CA10: variants seen among roughly 807,000 people sequenced by gnomAD.
CA10 encodes carbonic anhydrase 10 (inactive), also known as carbonic anhydrase-related protein 10.
CA10 carries 14 observed loss-of-function variants against 44.2 expected under a neutral mutation model. The ratio of observed to expected loss-of-function variants is 0.32; its 90% CI spans 0.21 to 0.50. CA10 has a LOEUF of 0.50. Among genes scored for constraint, CA10 ranks in the 20% least tolerant of loss-of-function variants. The pLI, the probability that CA10 is intolerant of heterozygous loss-of-function variation, is 0.99. For synonymous variants in CA10, 159 were observed against 141.6 expected (o/e 1.12, Z -0.87); for missense variants, 350 against 409.7 (o/e 0.85, Z 1.26).
At chr17:52,023,236 A>C (rs1986197028) in intron 2 of CA10, among the ~76,000 whole-genome samples, 1 of 152,106 alleles carries the variant, frequency 6.6e-6, no homozygotes, top group Non-Finnish European at 1.5e-5. Flanking sequence ...CCAAAACAGC[A>C]ATGGTACCAG....
chr17:51,864,131 GC>G (rs1437122736), intron 3 of CA10, among the ~76,000 whole-genome samples: 1 of 152,140 alleles, frequency 6.6e-6, no homozygotes, highest in Admixed American at 6.5e-5. Flanking sequence ...CACCTCATTA[GC>G]AAAAACTATC....
intron 3 of CA10, among the ~76,000 whole-genome samples, chr17:51,874,558 A>G (rs963345757): frequency 6.6e-6 from 1 of 152,152 alleles, no homozygotes; most frequent in African/African-American, 2.4e-5. Context: ...TGCACCAGGA[A>G]AGGCATATGA....
chr17:52,013,959 T>G (rs186157472), intron 2 of CA10, among the ~76,000 whole-genome samples: 96 of 151,980 alleles, frequency 6.3e-4, no homozygotes, highest in Non-Finnish European at 1.1e-3. Flanking sequence ...TAACTATTTA[T>G]TAAGTGAATA....
chr17:51,734,413 C>T (rs983875913), intron 4 of CA10, among the ~76,000 whole-genome samples: 2 of 152,078 alleles, frequency 1.3e-5, no homozygotes, highest in Non-Finnish European at 2.9e-5. Context: ...GTCACCTAGT[C>T]GTAGGGTGAG....
rs199901307 is a variant in CA10 at position 51,686,087 on chromosome 17, G to GGC, written c.466-32352_466-32351insGC. 1.5e-3 allele frequency among the ~76,000 whole-genome samples: 222 copies of GGC among 152,014 alleles called. 1 individual carries two copies. The highest frequency in any genetic ancestry group is 5.0e-3 in the African/African-American group (207 of 41,440). On this transcript the variant is annotated intron_variant, in intron 4 of 8. Transcript: ENST00000451037. ...GTGGAGATAATTGAATCATGGGTCG[G>GGC]GGGGGGCGTCTGTTTCCCCCATACT...
At chr17:52,092,454 G>A (rs1048606158) in intron 1 of CA10, among the ~76,000 whole-genome samples, 5 of 152,152 alleles carry the variant, frequency 3.3e-5, no homozygotes, top group African/African-American at 1.2e-4. Context: ...ATGGCTGTTC[G>A]GTAATGAGTC....
intron 4 of CA10, among the ~76,000 whole-genome samples, chr17:51,699,936 A>T (rs1177671144): frequency 6.6e-6 from 1 of 152,224 alleles, no homozygotes; most frequent in Middle Eastern, 3.2e-3. Context: ...TTTTTCAAAA[A>T]TGTTTCCACA....
chr17:51,840,115 C>T (rs181139561), intron 3 of CA10, among the ~76,000 whole-genome samples: 6 of 152,274 alleles, frequency 3.9e-5, no homozygotes, highest in African/African-American at 1.2e-4. Context: ...TTGAACTAAT[C>T]ATGTTACGCC....
intron 2 of CA10, among the ~76,000 whole-genome samples, chr17:52,010,551 C>G (rs990396604): frequency 1.3e-5 from 2 of 151,858 alleles, no homozygotes; most frequent in Admixed American, 6.6e-5. Flanking sequence ...TATGTTCTCA[C>G]TCATTTGTGA....
At chr17:51,844,479 C>T (rs1288235892) in intron 3 of CA10, among the ~76,000 whole-genome samples, 2 of 151,980 alleles carry the variant, frequency 1.3e-5, no homozygotes, top group African/African-American at 4.8e-5. Flanking sequence ...AATGTAAAAT[C>T]CAAGTCAAAA....
chr17:52,092,447 G>A (rs1162582060), intron 1 of CA10, among the ~76,000 whole-genome samples: 1 of 152,122 alleles, frequency 6.6e-6, no homozygotes, highest in Admixed American at 6.5e-5. Flanking sequence ...ATGGAAGATG[G>A]CTGTTCGGTA....
intron 1 of CA10, among the ~76,000 whole-genome samples, chr17:52,151,273 A>G (rs990030398): frequency 6.6e-6 from 1 of 152,110 alleles, no homozygotes; most frequent in African/African-American, 2.4e-5. Context: ...TCCACTCCAT[A>G]TGCCCAATCC....
At chr17:51,848,267 G>A (rs1978588594) in intron 3 of CA10, among the ~76,000 whole-genome samples, 1 of 152,148 alleles carries the variant, frequency 6.6e-6, no homozygotes, top group African/African-American at 2.4e-5. Context: ...TTCAAATATT[G>A]CATTAAAATG....
intron 3 of CA10, among the ~76,000 whole-genome samples, chr17:51,774,274 T>C (rs893389036): frequency 5.9e-5 from 9 of 152,320 alleles, no homozygotes; most frequent in Non-Finnish European, 1.2e-4. Flanking sequence ...ACTAGAACCT[T>C]AGCACTTACT....
At chr17:52,138,422 C>A (rs1989405947) in intron 1 of CA10, among the ~76,000 whole-genome samples, 1 of 152,146 alleles carries the variant, frequency 6.6e-6, no homozygotes. Flanking sequence ...ACACAAACAT[C>A]TTTGGGAGGC....
At chr17:51,941,697 G>A (rs1321456669) in intron 2 of CA10, among the ~76,000 whole-genome samples, 1 of 151,988 alleles carries the variant, frequency 6.6e-6, no homozygotes, top group Non-Finnish European at 1.5e-5. Flanking sequence ...AAACCAGCAG[G>A]GACACAAGAA....
intron 2 of CA10, among the ~76,000 whole-genome samples, chr17:51,974,385 T>TAAAAAA (rs1567905779): frequency 2.6e-5 from 1 of 37,902 alleles, no homozygotes; most frequent in Admixed American, 3.5e-4. Flanking sequence ...TCCATCTCAT[T>TAAAAAA]TAAAAAAAAA....
intron 4 of CA10, among the ~76,000 whole-genome samples, chr17:51,667,711 G>A (rs1422479683): frequency 6.6e-6 from 1 of 152,166 alleles, no homozygotes; most frequent in African/African-American, 2.4e-5. Context: ...TTGGTCCTGT[G>A]ACTGAAAGGT....
intron 4 of CA10, among the ~76,000 whole-genome samples, chr17:51,696,987 C>G (rs1567807316): frequency 6.6e-6 from 1 of 151,702 alleles, no homozygotes; most frequent in Non-Finnish European, 1.5e-5. Flanking sequence ...TGTGTTTTGG[C>G]TTTGGGAAAT....
Sources: gnomAD v4.1 joint callset for allele counts (sites outside exome capture counted in the v4.1 genomes callset) on GRCh38, gnomAD v4.1.1 for gene constraint, MANE v1.5 for transcripts, NCBI Gene and HGNC (gene_info 2026-07-23, HGNC 2026-07-21) for gene names.